OSBPL11: variants seen among roughly 807,000 people sequenced by gnomAD.
OSBPL11 encodes the protein oxysterol binding protein like 11.
In OSBPL11, 33 loss-of-function variants were observed where a neutral mutation model predicts 84.4. The ratio of observed to expected loss-of-function variants is 0.39; its 90% confidence interval spans 0.30 to 0.52. The LOEUF (loss-of-function observed/expected upper bound fraction) is 0.52, where lower values mean the gene tolerates loss of function less well. Among genes scored for constraint, OSBPL11 ranks in the 20% least tolerant of loss-of-function variants. The pLI, the probability that OSBPL11 is intolerant of heterozygous loss-of-function variation, is 0.72. For synonymous variants in OSBPL11, 276 were observed against 310.2 expected, an observed-to-expected ratio of 0.89 and a Z score of 1.16; for missense variants, 736 against 901.1, an observed-to-expected ratio of 0.82 and a Z score of 2.35.
chr3:125,558,764 A>G (rs1936030760), intron 8 of OSBPL11, among the ~76,000 whole-genome samples: 1 of 152,238 alleles, frequency 6.6e-6, no homozygotes, highest in Non-Finnish European at 1.5e-5. Context: ...TTAAACTGGG[A>G]ACAGAGAAAA....
chr3:125,595,333 G>A lies in OSBPL11; in HGVS notation c.-533C>T, dbSNP rs999313292. 5.3e-5 allele frequency among the ~76,000 whole-genome samples: 8 copies of A among 152,018 alleles called. No homozygotes were observed. The highest frequency in any genetic ancestry group is 9.7e-5 in the African/African-American group (4 of 41,404). The stretch of plus-strand genomic sequence containing the variant: ...CGCGCAGCCGGGGAGGAGGGTCGGG[G>A]AATGAGGCCGCCGGGGGCGGGACGC... On this transcript the variant is annotated 5_prime_UTR_variant, in exon 1 of 13. Transcript: ENST00000296220.
At chr3:125,544,464 A>T (rs1367710906) in intron 10 of OSBPL11, among the ~76,000 whole-genome samples, 1 of 152,230 alleles carries the variant, frequency 6.6e-6, no homozygotes, top group Non-Finnish European at 1.5e-5. Flanking sequence ...ATAAGATATT[A>T]AATAATTCCC....
intron 5 of OSBPL11, among the ~76,000 whole-genome samples, chr3:125,568,780 G>A (rs1340074323): frequency 1.3e-5 from 2 of 152,298 alleles, no homozygotes; most frequent in African/African-American, 2.4e-5. Context: ...AATGATTGAT[G>A]AGCAAGCCAA....
intron 1 of OSBPL11, among the ~76,000 whole-genome samples, chr3:125,591,877 C>T (rs551186532): frequency 1.3e-5 from 2 of 152,056 alleles, no homozygotes; most frequent in Admixed American, 6.6e-5. Context: ...GTGGTGTACA[C>T]CTGTAGTCCC....
intron 11 of OSBPL11, among the ~76,000 whole-genome samples, chr3:125,535,449 T>A: frequency 7.0e-6 from 1 of 141,958 alleles, no homozygotes; most frequent in Non-Finnish European, 1.5e-5. Flanking sequence ...CTTTTTTTTT[T>A]TTTTTTTTTT....
At chr3:125,546,177 G>T (rs74628669) in intron 10 of OSBPL11, among the ~76,000 whole-genome samples, 9,631 of 122,936 alleles carry the variant, frequency 0.078, 438 homozygotes, top group Non-Finnish European at 0.11. Flanking sequence ...GTGTGTGTGT[G>T]TTTTTTTTTT....
intron 2 of OSBPL11, 100 bp from the exon 3 acceptor site, chr3:125,580,140 T>C: frequency 2.0e-6 from 2 of 1,013,528 alleles, no homozygotes; most frequent in Non-Finnish European, 2.8e-6. Flanking sequence ...GGTTTTGCTC[T>C]TAAAAATAAA....
rs1032128763 is a variant in OSBPL11 at position 125,591,186 on chromosome 3, T to C, written c.164+3451A>G. ...TTAGCTGGACATACCTAAAACCAGA[T>C]ACATAATTTGACTCCCCAAGTCCGT... On this transcript the variant is annotated intron_variant, in intron 1 of 12. Coordinates refer to ENST00000296220, the MANE Select transcript of OSBPL11 (RefSeq NM_022776.5). Among the ~76,000 whole-genome samples the C allele has an allele frequency of 6.6e-5, 10 of 152,338 alleles. No individual in the cohort carries two copies. The South Asian group carries it at 2.1e-3, about 32-fold the overall frequency.
intron 2 of OSBPL11, among the ~76,000 whole-genome samples, chr3:125,581,637 G>C (rs746547285): frequency 6.7e-6 from 1 of 148,552 alleles, no homozygotes; most frequent in African/African-American, 2.5e-5. Context: ...CAGAGGTTGC[G>C]GTGAGCTGAG....
chr3:125,583,714 G>C (rs1040250960), intron 1 of OSBPL11, among the ~76,000 whole-genome samples: 2 of 151,468 alleles, frequency 1.3e-5, no homozygotes, highest in Non-Finnish European at 2.9e-5. Context: ...AACATAATGA[G>C]ACACTGTCTC....
rs57151123 is a variant in OSBPL11, at chr3:125,583,581, C to CAAAA, written c.165-607_165-604dup. Among the ~76,000 whole-genome samples the CAAAA allele has an allele frequency of 4.1e-3, 183 of 44,936 alleles. 8 individuals are homozygous for CAAAA. The highest frequency in any genetic ancestry group is 0.014 in the Middle Eastern group (1 of 70). The allele number at this position is 44,936 out of a possible 152,430, so 29.5% of individuals were successfully genotyped here. ...GGGCAACAGAGTGAGACTCCGTCTC[C>CAAAA]AAAAAAAAAAAAAAAAAAAAAAAAA... On this transcript the variant is annotated intron_variant, in intron 1 of 12. Transcript: ENST00000296220.
chr3:125,576,714 C>T (rs1027998453), intron 4 of OSBPL11, among the ~76,000 whole-genome samples: 1 of 150,224 alleles, frequency 6.7e-6, no homozygotes, highest in East Asian at 1.9e-4. Context: ...GACTGAGTCT[C>T]ACACTGTCAC....
rs1936666423 is a variant in OSBPL11 at position 125,595,288 on chromosome 3, A to C, written c.-488T>G. Reference sequence around the variant, plus strand: ...TCGGCAGTTCCCGCCGCAGCCCCCGAGATACAGCCAGGGCCGGCGCGCGCA... The same window carrying C: ...TCGGCAGTTCCCGCCGCAGCCCCCGCGATACAGCCAGGGCCGGCGCGCGCA... On this transcript the variant is annotated 5_prime_UTR_variant, in exon 1 of 13. Coordinates refer to ENST00000296220, the MANE Select transcript of OSBPL11 (RefSeq NM_022776.5). Among the ~76,000 whole-genome samples, 2 of 151,710 alleles carry C rather than the reference A, an allele frequency of 1.3e-5. No homozygotes were observed. The highest frequency in any genetic ancestry group is 2.9e-5 in the Non-Finnish European group (2 of 67,898).
At position 125,595,144 on chromosome 3, in the gene OSBPL11, G is replaced by A. The variant is rs1443780193; in HGVS notation, c.-344C>T. On this transcript the variant is annotated 5_prime_UTR_variant, in exon 1 of 13. Coordinates refer to ENST00000296220, the MANE Select transcript of OSBPL11 (RefSeq NM_022776.5). The stretch of plus-strand genomic sequence containing the variant: ...AGGTCGCAGATTCTGTAGCCAAGAC[G>A]GCTGGGAAAAGGACGGAGCGCCACG... The A allele has an allele frequency of 1.1e-5, 2 of 182,372 alleles. No homozygotes were observed. The highest frequency in any genetic ancestry group is 2.3e-5 in the Non-Finnish European group (2 of 86,004). The allele number at this position is 182,372 out of a possible 1,614,324, so 11.3% of individuals were successfully genotyped here. A position where few individuals can be genotyped will look rare whatever the true frequency, so the allele number is the denominator to read the frequency against.
In OSBPL11 at chr3:125,571,397, G is replaced by A. The variant is rs374587190; in HGVS notation, c.667-3802C>T. 4.6e-5 allele frequency among the ~76,000 whole-genome samples: 7 copies of A among 152,296 alleles called. No individual in the cohort carries two copies. In the East Asian group the frequency reaches 1.2e-3, roughly 25 times the overall value. On this transcript the variant is annotated intron_variant, in intron 5 of 12. Transcript: ENST00000296220. ...ATTTTCTGAGGAGAAATTCAAGCTGGCTGCAGAAATTTGCATAAGTAACTA... is the reference window on the plus strand; with the variant it reads ...ATTTTCTGAGGAGAAATTCAAGCTGACTGCAGAAATTTGCATAAGTAACTA...
At position 125,582,981 on chromosome 3, in the gene OSBPL11, A is replaced by G. The variant is rs1381662601; in HGVS notation, c.165-3T>C. 2 of 1,576,042 alleles carry G rather than the reference A, an allele frequency of 1.3e-6. No homozygotes were observed. Among genetic ancestry groups the G allele is most frequent in the Non-Finnish European group, 8.6e-7 (1 of 1,169,388 alleles). ...CATACACATTTTCCATGTGATCACT[A>G]TTTCAAAATGAAAAAGCCAAAGTTA... is the stretch of plus-strand genomic sequence containing the variant. On this transcript the variant is annotated splice_polypyrimidine_tract_variant and splice_region_variant and intron_variant, in intron 1 of 12. Transcript: ENST00000296220.
intron 5 of OSBPL11, among the ~76,000 whole-genome samples, chr3:125,573,941 C>T (rs1403392284): frequency 7.1e-6 from 1 of 141,538 alleles, no homozygotes; most frequent in Non-Finnish European, 1.5e-5. Flanking sequence ...TAACACTAAA[C>T]TTACCCACAG....
Position 125,563,591 on chromosome 3 carries a change from C to T in OSBPL11, c.1014+107G>A, listed in dbSNP as rs1936109114. The T allele has an allele frequency of 4.8e-6, 5 of 1,046,540 alleles. No homozygotes were observed. In the Admixed American group the frequency reaches 6.4e-5, roughly 13 times the overall value. The allele number at this position is 1,046,540 out of a possible 1,614,324, so 64.8% of individuals were successfully genotyped here. On this transcript the variant is annotated intron_variant, in intron 7 of 12. Coordinates refer to ENST00000296220, the MANE Select transcript of OSBPL11 (RefSeq NM_022776.5). Reference sequence around the variant, plus strand: ...TGTTTTAGAATCTTCAAGAGTGTTGCTCAGGTGTTAAGTTGATGTGCATGA... The same window carrying T: ...TGTTTTAGAATCTTCAAGAGTGTTGTTCAGGTGTTAAGTTGATGTGCATGA...
chr3:125,536,121 T>A (rs1392318978), intron 11 of OSBPL11, among the ~76,000 whole-genome samples: 2 of 144,334 alleles, frequency 1.4e-5, no homozygotes, highest in African/African-American at 5.3e-5. Flanking sequence ...GGTGACAGAG[T>A]GAGTCCATCT....
Sources: gnomAD v4.1 joint callset for allele counts (sites outside exome capture counted in the v4.1 genomes callset) on GRCh38, gnomAD v4.1.1 for gene constraint, MANE v1.5 for transcripts, NCBI Gene and HGNC (gene_info 2026-07-23, HGNC 2026-07-21) for gene names.